The following MAN1A1 variants were observed in gnomAD, a reference collection of about 807,000 sequenced individuals.
MAN1A1 encodes mannosidase alpha class 1A member 1, also known as mannosyl-oligosaccharide 1,2-alpha-mannosidase IA.
Under a neutral mutation model 70.8 loss-of-function variants are expected in MAN1A1, and 29 were observed. The ratio of observed to expected loss-of-function variants is 0.41; its 90% CI spans 0.31 to 0.56. MAN1A1 has a LOEUF of 0.56. Ranked by LOEUF, MAN1A1 falls within the 20% of genes least tolerant of loss-of-function variation. The pLI, the probability that MAN1A1 is intolerant of heterozygous loss-of-function variation, is 0.29. For synonymous variants in MAN1A1, 349 were observed against 330.1 expected (o/e 1.06, Z -0.62); for missense variants, 747 against 841.3 (o/e 0.89, Z 1.39).
At position 119,179,785 on chromosome 6, in the gene MAN1A1, G is replaced by A. The variant is rs562676924; in HGVS notation, c.*34C>T. The A allele has an allele frequency of 1.3e-6, 2 of 1,587,596 alleles. No homozygotes were observed. The highest frequency in any genetic ancestry group is 1.3e-5 in the African/African-American group (1 of 74,396). The stretch of plus-strand genomic sequence containing the variant: ...AGGAATTATTAAGGTATACAGTGAA[G>A]GGAATGGAGCAGAATAAAATATAAA... On this transcript the variant is annotated 3_prime_UTR_variant, in exon 13 of 13. Coordinates refer to ENST00000368468, the MANE Select transcript of MAN1A1 (RefSeq NM_005907.4).
chr6:119,309,118 T>C (rs948742816), intron 2 of MAN1A1, among the ~76,000 whole-genome samples: 12 of 152,172 alleles, frequency 7.9e-5, no homozygotes, highest in Non-Finnish European at 1.5e-5. Flanking sequence ...GTGGTCAAAA[T>C]GCCCTGAACA....
intron 2 of MAN1A1, among the ~76,000 whole-genome samples, chr6:119,327,800 C>T (rs567983880): frequency 8.6e-5 from 13 of 151,798 alleles, no homozygotes; most frequent in Non-Finnish European, 7.4e-5. Flanking sequence ...AATGTGTACA[C>T]CATAAATATA....
intron 2 of MAN1A1, among the ~76,000 whole-genome samples, chr6:119,340,384 C>T (rs190590998): frequency 6.6e-6 from 1 of 152,230 alleles, no homozygotes; most frequent in African/African-American, 2.4e-5. Flanking sequence ...GGCTAGGATC[C>T]CTGGCCTCCT....
At chr6:119,232,693 GTGTGTGTGTGTGTGTGTGTGTGTGTA>G (rs958736393) in intron 6 of MAN1A1, among the ~76,000 whole-genome samples, 7 of 145,750 alleles carry the variant, frequency 4.8e-5, no homozygotes, top group African/African-American at 1.5e-4. Flanking sequence ...GTGTGTGTGT[GTGTGTGTGTGTGTGTGTGTGTGTGTA>G]TATTTGGAAA....
chr6:119,289,757 G>C (rs752638928), intron 5 of MAN1A1, among the ~76,000 whole-genome samples: 44 of 152,020 alleles, frequency 2.9e-4, no homozygotes, highest in Non-Finnish European at 6.0e-4. Flanking sequence ...GTACTTGAGA[G>C]ACAGGAACAA....
In MAN1A1 at chr6:119,338,158, T is replaced by C. The variant is rs1386094459; in HGVS notation, c.603+10305A>G. Among the ~76,000 whole-genome samples, 8 of 151,970 alleles carry C rather than the reference T, an allele frequency of 5.3e-5. No individual in the cohort carries two copies. The East Asian group carries it at 1.5e-3, about 29-fold the overall frequency. On this transcript the variant is annotated intron_variant, in intron 2 of 12. Transcript: ENST00000368468. ...ACCACAATTTATAAAAATAATATAG[T>C]ACATTTATGTCAATCGTTATTCATC...
chr6:119,189,978 C>A (rs866334892), intron 9 of MAN1A1, 95 bp from the exon 10 acceptor site: 2 of 937,588 alleles, frequency 2.1e-6, no homozygotes, highest in South Asian at 1.7e-5. Context: ...ATAGAATACA[C>A]CTGACAATCA....
chr6:119,186,097 AC>A, intron 11 of MAN1A1, among the ~76,000 whole-genome samples: 1 of 151,980 alleles, frequency 6.6e-6, no homozygotes, highest in East Asian at 1.9e-4. Flanking sequence ...TCCCTCTGGT[AC>A]CCCCAGAGCA....
intron 6 of MAN1A1, among the ~76,000 whole-genome samples, chr6:119,228,762 A>T (rs138597922): frequency 2.5e-3 from 388 of 152,292 alleles, no homozygotes; most frequent in Non-Finnish European, 4.8e-3. Context: ...ATAAATAGTT[A>T]TAATTATAGT....
At chr6:119,203,915 G>C (rs1384009899) in intron 7 of MAN1A1, among the ~76,000 whole-genome samples, 1 of 152,080 alleles carries the variant, frequency 6.6e-6, no homozygotes, top group Non-Finnish European at 1.5e-5. Flanking sequence ...GTAAAGCCCA[G>C]AGACTAGATG....
chr6:119,335,082 C>T (rs894740333), intron 2 of MAN1A1, among the ~76,000 whole-genome samples: 1 of 152,152 alleles, frequency 6.6e-6, no homozygotes, highest in Non-Finnish European at 1.5e-5. Flanking sequence ...GCTTACTTTC[C>T]TGCCATAGGA....
At chr6:119,275,241 G>C (rs529220924) in intron 5 of MAN1A1, among the ~76,000 whole-genome samples, 1 of 132,210 alleles carries the variant, frequency 7.6e-6, no homozygotes, top group Admixed American at 8.1e-5. Context: ...CTCCTGAGTA[G>C]CTGGGATTGC....
chr6:119,185,527 C>T (rs531446371), intron 11 of MAN1A1, among the ~76,000 whole-genome samples: 12 of 152,236 alleles, frequency 7.9e-5, no homozygotes, highest in East Asian at 7.7e-4. Flanking sequence ...TGTGACTCAA[C>T]GGTAGCAAAT....
chr6:119,284,552 G>A (rs193296730), intron 5 of MAN1A1, among the ~76,000 whole-genome samples: 4 of 152,010 alleles, frequency 2.6e-5, no homozygotes, highest in East Asian at 1.9e-4. Flanking sequence ...TTTTTGTTAC[G>A]TCTTTTTGTT....
rs1772254071 is a variant in MAN1A1 at position 119,297,693 on chromosome 6, A to G, written c.816+4295T>C. On this transcript the variant is annotated intron_variant, in intron 4 of 12. Coordinates refer to ENST00000368468, the MANE Select transcript of MAN1A1 (RefSeq NM_005907.4). ...GATACACCCATGAAAAAAATCACCT[A>G]TCATAATACTTGGTATGTATCACAT... 6.1e-5 allele frequency among the ~76,000 whole-genome samples: 9 copies of G among 147,900 alleles called. No individual in the cohort carries two copies. In the South Asian group the frequency reaches 1.5e-3, roughly 24 times the overall value.
intron 6 of MAN1A1, among the ~76,000 whole-genome samples, chr6:119,235,097 T>C (rs6569058): frequency 0.85 from 128,791 of 152,142 alleles, 54,876 homozygotes; most frequent in Non-Finnish European, 0.9. Context: ...GCATTTCTCT[T>C]CCTCTCCTCA....
At chr6:119,289,103 T>C (rs1470023323) in intron 5 of MAN1A1, among the ~76,000 whole-genome samples, 6 of 151,756 alleles carry the variant, frequency 4.0e-5, no homozygotes, top group African/African-American at 1.4e-4. Context: ...TACACATATA[T>C]AGAAACACAT....
chr6:119,190,303 G>A (rs1773408937), intron 9 of MAN1A1, among the ~76,000 whole-genome samples: 1 of 152,192 alleles, frequency 6.6e-6, no homozygotes, highest in Non-Finnish European at 1.5e-5. Flanking sequence ...GATCCAGGAT[G>A]GTGGCAGAAC....
At chr6:119,282,423 T>C (rs1484272849) in intron 5 of MAN1A1, among the ~76,000 whole-genome samples, 2 of 152,190 alleles carry the variant, frequency 1.3e-5, no homozygotes, top group Non-Finnish European at 2.9e-5. Flanking sequence ...TTGACTAAAG[T>C]ATGTGTTGTT....
Sources: allele counts gnomAD v4.1 joint callset (sites outside exome capture counted in the v4.1 genomes callset), GRCh38; gene constraint gnomAD v4.1.1; transcripts MANE v1.5; gene names NCBI Gene and HGNC (gene_info 2026-07-23, HGNC 2026-07-21).